Variants in MYO16 observed in about 807,000 individuals in gnomAD.
MYO16 encodes myosin XVI.
Under a neutral mutation model 205.3 loss-of-function variants are expected in MYO16, and 94 were observed. The observed-to-expected ratio is 0.46, with a 90% CI of 0.39 to 0.54. The LOEUF is 0.54. MYO16 is among the 20% of genes least tolerant of loss of function. MYO16 has a pLI of 0.00. For synonymous variants in MYO16, 988 were observed against 954.0 expected, an observed-to-expected ratio of 1.04 and a Z score of -0.66; for missense variants, 2,315 against 2,387.5, an observed-to-expected ratio of 0.97 and a Z score of 0.63.
intron 20 of MYO16, among the ~76,000 whole-genome samples, chr13:108,974,466 A>G (rs1884179647): frequency 2.0e-5 from 3 of 152,172 alleles, no homozygotes; most frequent in South Asian, 2.1e-4. Flanking sequence ...TCCTCCCCCA[A>G]AAATCCATAA....
chr13:108,766,659 G>A (rs569087091), intron 4 of MYO16, among the ~76,000 whole-genome samples: 6 of 152,310 alleles, frequency 3.9e-5, no homozygotes, highest in Admixed American at 1.3e-4. Context: ...CAAGATGTGC[G>A]TCTGTTATTA....
intron 4 of MYO16, among the ~76,000 whole-genome samples, chr13:108,784,118 G>A (rs2138918998): frequency 6.6e-6 from 1 of 152,228 alleles, no homozygotes; most frequent in South Asian, 2.1e-4. Flanking sequence ...GCCTATCCTT[G>A]ACCAAAGCAC....
chr13:108,900,305 A>G (rs1285609489), intron 15 of MYO16, among the ~76,000 whole-genome samples: 1 of 152,150 alleles, frequency 6.6e-6, no homozygotes, highest in East Asian at 1.9e-4. Context: ...TTGGTCCCTC[A>G]CATCTTTAGC....
chr13:109,024,140 C>G (rs989204706), intron 23 of MYO16, among the ~76,000 whole-genome samples: 2 of 149,548 alleles, frequency 1.3e-5, no homozygotes, highest in African/African-American at 4.9e-5. Context: ...AATTCATGTT[C>G]TTTGAATTTG....
intron 2 of MYO16, among the ~76,000 whole-genome samples, chr13:108,683,753 TTTAG>T: frequency 6.6e-6 from 1 of 152,204 alleles, no homozygotes; most frequent in Non-Finnish European, 1.5e-5. Context: ...AAAGATAAGG[TTTAG>T]CATTAAGCCT....
chr13:109,044,794 A>G (rs933728322), intron 23 of MYO16, among the ~76,000 whole-genome samples: 8 of 152,126 alleles, frequency 5.3e-5, no homozygotes, highest in Non-Finnish European at 1.0e-4. Context: ...GGTTCAAGCA[A>G]TTCTCCTGCC....
chr13:108,955,912 TG>T (rs1410530793), intron 16 of MYO16, among the ~76,000 whole-genome samples: 1 of 152,170 alleles, frequency 6.6e-6, no homozygotes, highest in African/African-American at 2.4e-5. Context: ...TCAGATTTTT[TG>T]TAACATTCTT....
At chr13:108,503,993 C>CA in the MYO16 span, among the ~76,000 whole-genome samples, 1 of 151,836 alleles carries the variant, frequency 6.6e-6, no homozygotes, top group Non-Finnish European at 1.5e-5. Flanking sequence ...TACTTGGTGT[C>CA]AGTTTTTTTA....
At position 109,207,398 on chromosome 13, in the gene MYO16, T is replaced by A. The variant is rs1371869107; in HGVS notation, c.*562T>A. The A allele has an allele frequency of 6.6e-6, 1 of 152,294 alleles. No individual in the cohort carries two copies. Among genetic ancestry groups the A allele is most frequent in the South Asian group, 2.1e-4 (1 of 4,828 alleles). 9.4% of individuals were successfully genotyped at this position (152,294 alleles called of 1,614,324 possible). A position where few individuals can be genotyped will look rare whatever the true frequency, so the allele number is the denominator to read the frequency against. The stretch of plus-strand genomic sequence containing the variant: ...TCTTCAAAATACAGATTTTAAAAAA[T>A]CATTTCTAGATTATTTTTTTCCTCC... On this transcript the variant is annotated 3_prime_UTR_variant, in exon 35 of 35. Coordinates refer to ENST00000457511, the MANE Select transcript of MYO16 (RefSeq NM_001198950.3).
chr13:108,895,568 A>G (rs1029111452), intron 14 of MYO16, among the ~76,000 whole-genome samples: 3 of 152,114 alleles, frequency 2.0e-5, no homozygotes, highest in Admixed American at 1.3e-4. Context: ...CATGCCTTCT[A>G]TGTCTTTATT....
Position 108,934,408 on chromosome 13 carries a change from C to T in MYO16, c.1926-23280C>T, listed in dbSNP as rs559025830. Reference sequence around the variant, plus strand: ...TGGGTGTCATCGTTTGTGAAGTGTCCGTTGATGTCTTTTGCTCATTTTTCA... The same window carrying T: ...TGGGTGTCATCGTTTGTGAAGTGTCTGTTGATGTCTTTTGCTCATTTTTCA... On this transcript the variant is annotated intron_variant, in intron 16 of 34. Coordinates refer to ENST00000457511, the MANE Select transcript of MYO16 (RefSeq NM_001198950.3). Among the ~76,000 whole-genome samples, 37 of 152,002 alleles carry T rather than the reference C, an allele frequency of 2.4e-4. No homozygotes were observed. The South Asian group carries it at 4.8e-3, about 20-fold the overall frequency.
rs1359342205 is a variant in MYO16 at position 109,040,379 on chromosome 13, C to G, written c.2797-6537C>G. 4.4e-4 allele frequency among the ~76,000 whole-genome samples: 33 copies of G among 75,388 alleles called. No homozygotes were observed. The East Asian group carries it at 1.0e-2, about 23-fold the overall frequency. 49.5% of individuals were successfully genotyped at this position (75,388 alleles called of 152,430 possible). ...AGTAGCATACACACACACACACACA[C>G]ACACACAGAGAGAGAGAGAGAGAGA... On this transcript the variant is annotated intron_variant, in intron 23 of 34. Coordinates refer to ENST00000457511, the MANE Select transcript of MYO16 (RefSeq NM_001198950.3).
chr13:109,056,090 T>G (rs1046916910), intron 27 of MYO16: 1 of 159,008 alleles, frequency 6.3e-6, no homozygotes, highest in Non-Finnish European at 1.4e-5. Flanking sequence ...TGTAACCACT[T>G]TTGCACTGCA....
rs528556685 is a variant in MYO16 at position 108,954,550 on chromosome 13, G to A, written c.1926-3138G>A. On this transcript the variant is annotated intron_variant, in intron 16 of 34. Coordinates refer to ENST00000457511, the MANE Select transcript of MYO16 (RefSeq NM_001198950.3). The stretch of plus-strand genomic sequence containing the variant: ...GGGATCAGGAGTTCAAGACCAGCCT[G>A]GGCAACATGGCAAGACCCTGTCTCT... 3.9e-5 allele frequency among the ~76,000 whole-genome samples: 6 copies of A among 152,182 alleles called. No homozygotes were observed. The South Asian group carries it at 1.0e-3, about 26-fold the overall frequency.
the MYO16 span, among the ~76,000 whole-genome samples, chr13:108,551,762 T>C: frequency 6.6e-6 from 1 of 152,158 alleles, no homozygotes; most frequent in Admixed American, 6.5e-5. Context: ...TCTTATCACT[T>C]CACAACTAAC....
At chr13:109,026,731 T>C (rs1370234024) in intron 23 of MYO16, among the ~76,000 whole-genome samples, 1 of 152,150 alleles carries the variant, frequency 6.6e-6, no homozygotes, top group Non-Finnish European at 1.5e-5. Flanking sequence ...GAACATCCCT[T>C]TTCTTTGTCT....
At chr13:108,738,348 T>C (rs1376803868) in intron 4 of MYO16, among the ~76,000 whole-genome samples, 1 of 152,222 alleles carries the variant, frequency 6.6e-6, no homozygotes, top group Non-Finnish European at 1.5e-5. Context: ...TTGTTCTCAT[T>C]GGTTTCAAAG....
At chr13:108,832,431 C>T (rs367717576) in intron 9 of MYO16, among the ~76,000 whole-genome samples, 1 of 152,020 alleles carries the variant, frequency 6.6e-6, no homozygotes, top group African/African-American at 2.4e-5. Flanking sequence ...CGTGAGCCAC[C>T]GTGCCCAGCC....
intron 1 of MYO16, among the ~76,000 whole-genome samples, chr13:108,611,958 C>CTT (rs1355504552): frequency 1.7e-4 from 17 of 101,904 alleles, no homozygotes; most frequent in Admixed American, 2.0e-4. Context: ...AGGTAATATT[C>CTT]TTTTTTTTTT....
Sources: allele counts gnomAD v4.1 joint callset (sites outside exome capture counted in the v4.1 genomes callset), GRCh38; gene constraint gnomAD v4.1.1; transcripts MANE v1.5; gene names NCBI Gene and HGNC (gene_info 2026-07-23, HGNC 2026-07-21).